The following IL1RAPL2 variants were observed in gnomAD, a reference collection of about 807,000 sequenced individuals.
IL1RAPL2 encodes the protein X-linked interleukin-1 receptor accessory protein-like 2.
In IL1RAPL2, 3 loss-of-function variants were observed where a neutral mutation model predicts 44.1. That is an observed-to-expected ratio of 0.07 (90% CI 0.03 to 0.18). The LOEUF is 0.18. Ranked by LOEUF, IL1RAPL2 falls within the 10% of genes least tolerant of loss-of-function variation. IL1RAPL2 has a pLI of 1.00. For missense variants in IL1RAPL2, 391 were observed against 496.4 expected, an observed-to-expected ratio of 0.79 and a Z score of 2.02; for synonymous variants, 181 against 178.8, an observed-to-expected ratio of 1.01 and a Z score of -0.10.
At chrX:105,045,472 A>G (rs1004780248) in intron 2 of IL1RAPL2, among the ~76,000 whole-genome samples, 1 of 112,291 alleles carries the variant, frequency 8.9e-6, no homozygotes, top group African/African-American at 3.2e-5. Context: ...GGGAGAAAAT[A>G]TATCAGCAGT....
At chrX:105,281,786 A>T (rs1348011763) in intron 5 of IL1RAPL2, among the ~76,000 whole-genome samples, 1 of 111,662 alleles carries the variant, frequency 9.0e-6, no homozygotes, top group African/African-American at 3.3e-5. Context: ...TCACCTAATG[A>T]CACATTTCTC....
intron 5 of IL1RAPL2, among the ~76,000 whole-genome samples, chrX:105,434,105 T>C (rs1393239138): frequency 9.0e-6 from 1 of 111,719 alleles, no homozygotes; most frequent in Non-Finnish European, 1.9e-5. Context: ...ATACAGATGC[T>C]AAATAAGCGC....
At chrX:105,400,547 C>T (rs981355118) in intron 5 of IL1RAPL2, among the ~76,000 whole-genome samples, 1 of 111,483 alleles carries the variant, frequency 9.0e-6, no homozygotes, top group African/African-American at 3.3e-5. Flanking sequence ...CCAAGATATA[C>T]TGAGCCATGA....
intron 2 of IL1RAPL2, among the ~76,000 whole-genome samples, chrX:104,737,337 G>C (rs1490665642): frequency 8.9e-6 from 1 of 112,374 alleles, no homozygotes; most frequent in Non-Finnish European, 1.9e-5. Flanking sequence ...CTGCTTTGTA[G>C]ACGACTCAAT....
intron 2 of IL1RAPL2, among the ~76,000 whole-genome samples, chrX:105,189,762 G>C (rs1556136143): frequency 9.0e-6 from 1 of 111,397 alleles, no homozygotes; most frequent in African/African-American, 3.3e-5. Context: ...TCCCACAATG[G>C]TTATTATTTG....
At chrX:105,028,075 G>T (rs1390287199) in intron 2 of IL1RAPL2, among the ~76,000 whole-genome samples, 1 of 111,300 alleles carries the variant, frequency 9.0e-6, no homozygotes, top group Non-Finnish European at 1.9e-5. Flanking sequence ...AATAAGCCAG[G>T]CACAGAAAGA....
intron 2 of IL1RAPL2, among the ~76,000 whole-genome samples, chrX:104,731,031 G>A (rs1931906386): frequency 9.0e-6 from 1 of 111,607 alleles, no homozygotes; most frequent in Admixed American, 9.5e-5. Flanking sequence ...CTTTTGAGAA[G>A]TGTCTGTTCA....
At chrX:105,041,192 A>G (rs1228767660) in intron 2 of IL1RAPL2, among the ~76,000 whole-genome samples, 1 of 110,890 alleles carries the variant, frequency 9.0e-6, no homozygotes, top group Non-Finnish European at 1.9e-5. Flanking sequence ...AGCAGTTTTG[A>G]GTGAGTTTCT....
chrX:105,071,094 G>T lies in IL1RAPL2; in HGVS notation c.83-124381G>T, dbSNP rs201821999. On this transcript the variant is annotated intron_variant, in intron 2 of 10. Coordinates refer to ENST00000372582, the MANE Select transcript of IL1RAPL2 (RefSeq NM_017416.2). ...TAATTGGCAACCCAATGGGAAAGAA[G>T]AAATGAAATTTTCTCTGTAGACAAC... Among the ~76,000 whole-genome samples the T allele has an allele frequency of 1.5e-4, 17 of 111,196 alleles. No individual in the cohort carries two copies. The East Asian group carries it at 4.8e-3, about 31-fold the overall frequency.
chrX:105,520,085 C>T (rs1245345755), intron 6 of IL1RAPL2, among the ~76,000 whole-genome samples: 1 of 111,815 alleles, frequency 8.9e-6, no homozygotes, highest in African/African-American at 3.2e-5. Context: ...TGACAAGGCT[C>T]TTTTGATTGT....
chrX:104,634,455 C>G (rs61400536), intron 1 of IL1RAPL2, among the ~76,000 whole-genome samples: 1 of 111,190 alleles, frequency 9.0e-6, no homozygotes, highest in Non-Finnish European at 1.9e-5. Flanking sequence ...ATTAAAGTCT[C>G]CCATTATTAT....
Position 104,655,728 on chromosome X carries a change from A to G in IL1RAPL2, c.-19-3167A>G, listed in dbSNP as rs991646520. Among the ~76,000 whole-genome samples, 8 of 111,685 alleles carry G rather than the reference A, an allele frequency of 7.2e-5. No homozygotes were observed. The East Asian group carries it at 2.3e-3, about 32-fold the overall frequency. ...GATTCCCTCTTTTTCTATTGCTAGGAACAGTTTCCAAAGGAATGGTACCAG... is the reference window on the plus strand; with the variant it reads ...GATTCCCTCTTTTTCTATTGCTAGGGACAGTTTCCAAAGGAATGGTACCAG... On this transcript the variant is annotated intron_variant, in intron 1 of 10. Coordinates refer to ENST00000372582, the MANE Select transcript of IL1RAPL2 (RefSeq NM_017416.2).
intron 2 of IL1RAPL2, among the ~76,000 whole-genome samples, chrX:104,709,468 T>C (rs1201154872): frequency 1.8e-5 from 2 of 110,452 alleles, no homozygotes; most frequent in Non-Finnish European, 3.8e-5. Flanking sequence ...ATGTTACCTC[T>C]CTCCTGTCCC....
chrX:104,800,307 C>T lies in IL1RAPL2; in HGVS notation c.82+141312C>T, dbSNP rs146267908. Among the ~76,000 whole-genome samples, 72 of 110,190 alleles carry T rather than the reference C, an allele frequency of 6.5e-4. No individual in the cohort carries two copies. In the East Asian group the frequency reaches 8.8e-3, roughly 14 times the overall value. On this transcript the variant is annotated intron_variant, in intron 2 of 10. Transcript: ENST00000372582. ...AGTGGGAGATGATAATGAAATCACC[C>T]TCATGAGGCTATAAATAAGATTATA...
At chrX:104,908,091 T>G (rs1399648023) in intron 2 of IL1RAPL2, among the ~76,000 whole-genome samples, 1 of 110,683 alleles carries the variant, frequency 9.0e-6, no homozygotes, top group Non-Finnish European at 1.9e-5. Flanking sequence ...CTTTGTTGGT[T>G]TAAAGTCTGT....
At chrX:104,936,221 T>C (rs1196279195) in intron 2 of IL1RAPL2, among the ~76,000 whole-genome samples, 2 of 112,066 alleles carry the variant, frequency 1.8e-5, no homozygotes, top group African/African-American at 6.5e-5. Flanking sequence ...TACCAGGCAG[T>C]AGCGTCCATC....
intron 5 of IL1RAPL2, among the ~76,000 whole-genome samples, chrX:105,335,143 G>A (rs776462809): frequency 9.1e-6 from 1 of 110,202 alleles, no homozygotes; most frequent in East Asian, 2.9e-4. Context: ...CTTCTATGTG[G>A]CTGCCCTCAT....
rs1312885878 is a variant in IL1RAPL2 at position 105,197,685 on chromosome X, G to T, written c.356+1937G>T. On this transcript the variant is annotated intron_variant, in intron 3 of 10. Coordinates refer to ENST00000372582, the MANE Select transcript of IL1RAPL2 (RefSeq NM_017416.2). Reference sequence around the variant, plus strand: ...CATTGTTTTATAAAATGAAAGGAGGGTTATAGATTTCTCTGCATTTTCTTA... The same window carrying T: ...CATTGTTTTATAAAATGAAAGGAGGTTTATAGATTTCTCTGCATTTTCTTA... Among the ~76,000 whole-genome samples, 4 of 111,131 alleles carry T rather than the reference G, an allele frequency of 3.6e-5. No individual in the cohort carries two copies. The East Asian group carries it at 1.1e-3, about 31-fold the overall frequency.
Position 104,837,128 on chromosome X carries a change from T to C in IL1RAPL2, c.82+178133T>C, listed in dbSNP as rs6621870. Among the ~76,000 whole-genome samples, 1,089 of 111,748 alleles carry C rather than the reference T, an allele frequency of 9.7e-3. 8 individuals carry two copies. The highest frequency in any genetic ancestry group is 0.032 in the African/African-American group (998 of 30,716). ...CACATTTTCTTTATCCAGTCTATCA[T>C]TGATGGGCATTTGGGTTGGTTTCAT... is the stretch of plus-strand genomic sequence containing the variant. On this transcript the variant is annotated intron_variant, in intron 2 of 10. Transcript: ENST00000372582.
Sources: allele counts gnomAD v4.1 joint callset (sites outside exome capture counted in the v4.1 genomes callset), GRCh38; gene constraint gnomAD v4.1.1; transcripts MANE v1.5; gene names NCBI Gene and HGNC (gene_info 2026-07-23, HGNC 2026-07-21).